The following CEP83 variants were observed in gnomAD, a reference collection of about 807,000 sequenced individuals.
CEP83 encodes centrosomal protein 83, also known as centrosomal protein of 83 kDa.
Under a neutral mutation model 101.9 loss-of-function variants are expected in CEP83, and 70 were observed. The ratio of observed to expected loss-of-function variants is 0.69; its 90% CI spans 0.57 to 0.84. The LOEUF (loss-of-function observed/expected upper bound fraction) is 0.84, where lower values mean the gene tolerates loss of function less well. CEP83 is among the 40% of genes least tolerant of loss of function. CEP83 has a pLI of 0.00. For synonymous variants in CEP83, 264 were observed against 267.9 expected (o/e 0.99, Z 0.14); for missense variants, 715 against 787.2 (o/e 0.91, Z 1.10).
At position 94,307,755 on chromosome 12, in the gene CEP83, A is replaced by AGAT. The variant is rs1969223784; in HGVS notation, c.*1055_*1057dup. ...TGGCTCCGTGGAAATTATTTTTCAG[A>AGAT]GATAAGGTGTCACTGTATATGCTGT... On this transcript the variant is annotated 3_prime_UTR_variant, in exon 17 of 17. Transcript: ENST00000397809. 1 of 151,778 alleles carries AGAT rather than the reference A, an allele frequency of 6.6e-6. No individual in the cohort carries two copies. The highest frequency in any genetic ancestry group is 2.4e-5 in the African/African-American group (1 of 41,274). 9.4% of individuals were successfully genotyped at this position (151,778 alleles called of 1,614,324 possible). A position where few individuals can be genotyped will look rare whatever the true frequency, so the allele number is the denominator to read the frequency against.
chr12:94,398,717 T>A (rs1257465005), intron 6 of CEP83, among the ~76,000 whole-genome samples: 1 of 152,222 alleles, frequency 6.6e-6, no homozygotes, highest in Non-Finnish European at 1.5e-5. Context: ...ATATTTTTCT[T>A]CTTGCAGAGA....
chr12:94,426,742 A>G (rs762785767), intron 2 of CEP83, among the ~76,000 whole-genome samples: 5 of 152,216 alleles, frequency 3.3e-5, no homozygotes, highest in Non-Finnish European at 7.3e-5. Context: ...TATGTATCCA[A>G]AACAATCACA....
At chr12:94,423,263 T>C (rs1164591455) in intron 2 of CEP83, among the ~76,000 whole-genome samples, 2 of 152,086 alleles carry the variant, frequency 1.3e-5, no homozygotes, top group Non-Finnish European at 2.9e-5. Flanking sequence ...TTTGTATTTT[T>C]AGTAGAGATG....
chr12:94,367,786 T>C lies in CEP83; in HGVS notation c.1343+8A>G, dbSNP rs1180838000. ...ATGAAAAACTTTAAATATATATGTA[T>C]ATATAACCTAACACTCTGAAGCTCC... On this transcript the variant is annotated splice_region_variant and intron_variant, in intron 11 of 16. Transcript: ENST00000397809. The C allele has an allele frequency of 1.3e-6, 2 of 1,593,516 alleles. No individual in the cohort carries two copies. Among genetic ancestry groups the C allele is most frequent in the East Asian group, 2.2e-5 (1 of 44,742 alleles).
intron 6 of CEP83, among the ~76,000 whole-genome samples, chr12:94,400,604 C>A (rs1260599313): frequency 6.6e-6 from 1 of 151,860 alleles, no homozygotes; most frequent in Non-Finnish European, 1.5e-5. Flanking sequence ...TGAAACTCCC[C>A]AAAGTTGTCT....
At chr12:94,337,290 T>C (rs993766957) in intron 11 of CEP83, among the ~76,000 whole-genome samples, 12 of 152,184 alleles carry the variant, frequency 7.9e-5, no homozygotes, top group Non-Finnish European at 1.5e-4. Flanking sequence ...AATGAAAATA[T>C]GAACTAAGTA....
rs373946233 is a variant in CEP83 at position 94,338,959 on chromosome 12, CTTT to C, written c.1344-3298_1344-3296del. ...GCTGATATACTGATATATACTATTT[CTTT>C]TTTTTTTTTTCTTTTTTTAGAGATG... On this transcript the variant is annotated intron_variant, in intron 11 of 16. Transcript: ENST00000397809. Among the ~76,000 whole-genome samples the C allele has an allele frequency of 7.7e-4, 112 of 144,520 alleles. 1 individual carries two copies. Among genetic ancestry groups the C allele is most frequent in the African/African-American group, 2.7e-3 (107 of 39,748 alleles). The allele number at this position is 144,520 out of a possible 152,430, so 94.8% of individuals were successfully genotyped here.
At chr12:94,393,812 C>A (rs998332113) in intron 6 of CEP83, among the ~76,000 whole-genome samples, 6 of 152,184 alleles carry the variant, frequency 3.9e-5, no homozygotes, top group African/African-American at 1.4e-4. Flanking sequence ...AAATCACAAG[C>A]ATTCCTATAC....
rs1232030056 is a variant in CEP83 at position 94,333,573 on chromosome 12, T to C, written c.1486A>G (p.Asn496Asp). 4.3e-6 allele frequency: 7 copies of C among 1,613,932 alleles called. No individual in the cohort carries two copies. The highest frequency in any genetic ancestry group is 5.1e-6 in the Non-Finnish European group (6 of 1,179,848). The stretch of plus-strand genomic sequence containing the variant: ...TCCACCATTTCCTTCAGCATTTGGT[T>C]TGAATTCAGCAAGTCATTCTCTGAC... ...AQSENDLLNS[N>D]QMLKEMVERL... The change falls in exon 13 of 17, where the codon AAC (asparagine) becomes GAC (aspartate). Residue 496 changes from asparagine to aspartate, a missense_variant. Asn to Asp is a conservative substitution (Grantham distance 23, BLOSUM62 1). Coordinates refer to ENST00000397809, the MANE Select transcript of CEP83 (RefSeq NM_016122.3).
At chr12:94,303,693 CTTTTT>C (rs373777720), downstream of CEP83, 224 of 698,566 alleles carry the variant, frequency 3.2e-4, no homozygotes, top group Admixed American at 6.3e-4. Flanking sequence ...ATTCCTCCAT[CTTTTT>C]TTTTTTTTTT....
At chr12:94,421,034 T>C (rs2064700107) in intron 2 of CEP83, among the ~76,000 whole-genome samples, 1 of 151,920 alleles carries the variant, frequency 6.6e-6, no homozygotes, top group Non-Finnish European at 1.5e-5. Flanking sequence ...CTTTTCTATA[T>C]GTATATTATA....
At chr12:94,286,235 A>G in the CEP83 span, among the ~76,000 whole-genome samples, 4 of 152,202 alleles carry the variant, frequency 2.6e-5, no homozygotes, top group African/African-American at 9.7e-5. Flanking sequence ...ATGAAGGCTT[A>G]AAGGATTCTC....
chr12:94,421,938 T>A (rs1453969125), intron 2 of CEP83, among the ~76,000 whole-genome samples: 2 of 152,228 alleles, frequency 1.3e-5, no homozygotes, highest in Non-Finnish European at 2.9e-5. Flanking sequence ...CCTGTGGTAA[T>A]ATTCTTAAAT....
chr12:94,435,707 T>C (rs776921374), intron 1 of CEP83, among the ~76,000 whole-genome samples: 1 of 152,176 alleles, frequency 6.6e-6, no homozygotes. Context: ...CAGCAACTCC[T>C]AACAGAACAA....
At chr12:94,385,414 G>T (rs2062082646) in intron 6 of CEP83, among the ~76,000 whole-genome samples, 4 of 152,146 alleles carry the variant, frequency 2.6e-5, no homozygotes, top group African/African-American at 9.7e-5. Context: ...ATTACTGCCA[G>T]TTGAGAGTGG....
the CEP83 span, among the ~76,000 whole-genome samples, chr12:94,266,875 T>C: frequency 6.6e-6 from 1 of 152,260 alleles, no homozygotes; most frequent in Non-Finnish European, 1.5e-5. Flanking sequence ...TTGTTTAAAA[T>C]GCAGGTGCAA....
chr12:94,382,049 C>A (rs938397425), intron 6 of CEP83, among the ~76,000 whole-genome samples: 6 of 151,982 alleles, frequency 3.9e-5, no homozygotes, highest in Admixed American at 3.9e-4. Flanking sequence ...AGTAATAGGT[C>A]TATACAAACT....
chr12:94,377,050 TTAAAATGAAG>T (rs2061590861), intron 7 of CEP83, among the ~76,000 whole-genome samples: 1 of 152,156 alleles, frequency 6.6e-6, no homozygotes, highest in South Asian at 2.1e-4. Context: ...CTCAACATAA[TTAAAATGAAG>T]ACATTTTGGC....
intron 1 of CEP83, among the ~76,000 whole-genome samples, chr12:94,441,892 GCGACAGAGCGAGAC>G (rs1383001993): frequency 7.1e-6 from 1 of 140,850 alleles, no homozygotes; most frequent in Non-Finnish European, 1.5e-5. Flanking sequence ...TCCAGCCTGG[GCGACAGAGCGAGAC>G]TCCGTCTCAA....
Sources: allele counts gnomAD v4.1 joint callset (sites outside exome capture counted in the v4.1 genomes callset), GRCh38; gene constraint gnomAD v4.1.1; transcripts MANE v1.5; gene names NCBI Gene and HGNC (gene_info 2026-07-23, HGNC 2026-07-21).